The following UNC13D variants were observed in gnomAD, a reference collection of about 807,000 sequenced individuals.
The protein encoded by UNC13D is unc-13 homolog D, also known as protein unc-13 homolog D.
In UNC13D, 115 loss-of-function variants were observed where a neutral mutation model predicts 151.7. The observed-to-expected ratio is 0.76, with a 90% confidence interval of 0.65 to 0.88. The LOEUF (loss-of-function observed/expected upper bound fraction) is 0.88, where lower values mean the gene tolerates loss of function less well. Ranked by LOEUF, UNC13D falls within the 40% of genes least tolerant of loss-of-function variation. The pLI is 0.00. For missense variants in UNC13D, 1,369 were observed against 1,438.7 expected (o/e 0.95, Z 0.78); for synonymous variants, 588 against 612.2 (o/e 0.96, Z 0.58).
chr17:75,842,374 C>T, intron 6 of UNC13D, 59 bp downstream of exon 6: 1 of 1,572,412 alleles, frequency 6.4e-7, no homozygotes. Context: ...TTGTCTGGGG[C>T]AGACCCTGCT....
Position 75,834,900 on chromosome 17 carries a change from A to T in UNC13D, c.1992+20T>A. 1.2e-6 allele frequency: 2 copies of T among 1,613,816 alleles called. No individual in the cohort carries two copies. Among genetic ancestry groups the T allele is most frequent in the Non-Finnish European group, 1.7e-6 (2 of 1,180,006 alleles). On this transcript the variant is annotated intron_variant, in intron 21 of 31. Coordinates refer to ENST00000207549, the MANE Select transcript of UNC13D (RefSeq NM_199242.3). ...GGCTGTTCTAGAAAGAGGGGGAAGGACACGTGGAAGATGCCGCACCTCCAC... is the reference window on the plus strand; with the variant it reads ...GGCTGTTCTAGAAAGAGGGGGAAGGTCACGTGGAAGATGCCGCACCTCCAC...
rs1036624742 is a variant in UNC13D at position 75,832,287 on chromosome 17, C to T, written c.2447+679G>A. On this transcript the variant is annotated intron_variant, in intron 25 of 31. Coordinates refer to ENST00000207549, the MANE Select transcript of UNC13D (RefSeq NM_199242.3). The surrounding 1 kb of genome is among the most constrained non-coding windows in gnomAD (Gnocchi z 4.3). The stretch of plus-strand genomic sequence containing the variant: ...GCTGTCATCATCATCGTCACTACCG[C>T]TAATAGTCACTGACCACTTCCTTTG... 2 of 152,358 alleles carry T rather than the reference C, an allele frequency of 1.3e-5. No homozygotes were observed. The highest frequency in any genetic ancestry group is 4.8e-5 in the African/African-American group (2 of 41,450). 9.4% of individuals were successfully genotyped at this position (152,358 alleles called of 1,614,324 possible). A position where few individuals can be genotyped will look rare whatever the true frequency, so the allele number is the denominator to read the frequency against.
rs2064884849 is a variant in UNC13D, at chr17:75,833,310, T to C, written c.2368-265A>G. Reference sequence around the variant, plus strand: ...GGGTCTCTGCCCTTGCCGTTCCCTCTGCCTGGAATGCTCCTCCCCTAGAAC... The same window carrying C: ...GGGTCTCTGCCCTTGCCGTTCCCTCCGCCTGGAATGCTCCTCCCCTAGAAC... On this transcript the variant is annotated intron_variant, in intron 24 of 31. Coordinates refer to ENST00000207549, the MANE Select transcript of UNC13D (RefSeq NM_199242.3). The surrounding 1 kb of genome is among the most constrained non-coding windows in gnomAD (Gnocchi z 4.0). The C allele has an allele frequency of 2.9e-6, 1 of 343,040 alleles. No individual in the cohort carries two copies. The highest frequency in any genetic ancestry group is 2.1e-5 in the African/African-American group (1 of 47,946). The allele number at this position is 343,040 out of a possible 1,614,324, so 21.2% of individuals were successfully genotyped here. A position where few individuals can be genotyped will look rare whatever the true frequency, so the allele number is the denominator to read the frequency against.
chr17:75,843,037 G>T lies in UNC13D; in HGVS notation c.298C>A (p.Leu100Met). Residue 100 changes from leucine (L) to methionine (M), a missense_variant, in exon 4 of 32, where the codon CTG becomes ATG. Leu to Met is a conservative substitution (Grantham distance 15). This residue lies in a region of UNC13D where 550 missense variants were observed against 609.0 expected (regional missense o/e 0.90). Coordinates refer to ENST00000207549, the MANE Select transcript of UNC13D (RefSeq NM_199242.3). ...ACCTCAAGCTCCCTGACCCGCTGCA[G>T]TGTCTGCTGGTGCTCCTCGGGCTCC... ...HVEPEEHQQT[L>M]QRVRELEKPI... is the part of the protein sequence containing the mutation. 6.2e-7 allele frequency: 1 copy of T among 1,611,324 alleles called. No individual in the cohort carries two copies.
rs1240535601 is a variant in UNC13D at position 75,834,370 on chromosome 17, C to T, written c.2253G>A (p.Gly751=). ...CGCCAGTGCGGATCTCATGGCCCAG[C>T]CCGGCCAGCGCGCTCTGCAGCTGGG... ...LHAQLQSALA[G]LGHEIRTGVR... Residue 751 remains glycine (G), a synonymous_variant, in exon 23 of 32, where the codon GGG becomes GGA. Coordinates refer to ENST00000207549, the MANE Select transcript of UNC13D (RefSeq NM_199242.3). 1 of 1,593,738 alleles carries T rather than the reference C, an allele frequency of 6.3e-7. No individual in the cohort carries two copies.
In UNC13D at chr17:75,842,529, T is replaced by A; in HGVS notation, c.473A>T (p.Lys158Met). 1 of 1,612,948 alleles carries A rather than the reference T, an allele frequency of 6.2e-7. No homozygotes were observed. Among genetic ancestry groups the A allele is most frequent in the Non-Finnish European group, 8.5e-7 (1 of 1,179,756 alleles). Residue 158 changes from lysine to methionine, a missense_variant, in exon 6 of 32, where the codon AAG (lysine) becomes ATG (methionine). Physicochemically the swap from Lys to Met is moderately conservative, Grantham distance 95. Transcript: ENST00000207549. ...GGSPGSRHRQ[K>M]AVVRHTIPEE... Reference sequence around the variant, plus strand: ...GGGGATGGTGTGCCTCACCACAGCCTTCTGCCGATGCCGGGACCCGGGGCT... The same window carrying A: ...GGGGATGGTGTGCCTCACCACAGCCATCTGCCGATGCCGGGACCCGGGGCT...
intron 21 of UNC13D, 63 bp downstream of exon 21, chr17:75,834,857 A>G: frequency 6.2e-7 from 1 of 1,613,280 alleles, no homozygotes; most frequent in Non-Finnish European, 8.5e-7. Context: ...GCACGGGAGA[A>G]ACGGTGGGTG....
Position 75,830,165 on chromosome 17 carries a change from G to T in UNC13D, c.2831-14C>A, listed in dbSNP as rs567552311. On this transcript the variant is annotated splice_polypyrimidine_tract_variant and intron_variant, in intron 29 of 31. Coordinates refer to ENST00000207549, the MANE Select transcript of UNC13D (RefSeq NM_199242.3). ...GGTCGCTGGAGCCTGGTAAGTGGCC[G>T]GGGAGTGTGCGTCAGCTGAGGGTCT... The T allele has an allele frequency of 2.5e-6, 4 of 1,585,544 alleles. No homozygotes were observed. In the African/African-American group the frequency reaches 5.4e-5, roughly 21 times the overall value.
chr17:75,843,578 A>C, intron 1 of UNC13D, 59 bp from the exon 2 acceptor site: 1 of 1,594,740 alleles, frequency 6.3e-7, no homozygotes. Context: ...TCAGATGGAC[A>C]GGAATGGCTC....
rs764459619 is a variant in UNC13D at position 75,828,111 on chromosome 17, C to T, written c.3152-25G>A. The T allele has an allele frequency of 5.7e-6, 9 of 1,568,176 alleles. No individual in the cohort carries two copies. In the South Asian group the frequency reaches 1.1e-4, roughly 18 times the overall value. ...CCTGCGGAGAGAGGGGTTTGGGGGT[C>T]AGATGCCAGGGGAGAGGGCAGTGCC... On this transcript the variant is annotated intron_variant, in intron 31 of 31. Transcript: ENST00000207549.
chr17:75,833,132 A>C lies in UNC13D; in HGVS notation c.2368-87T>G, dbSNP rs2064883697. On this transcript the variant is annotated intron_variant, in intron 24 of 31. Coordinates refer to ENST00000207549, the MANE Select transcript of UNC13D (RefSeq NM_199242.3). This position sits in a 1 kb window ranked among gnomAD's most constrained non-coding sequence, Gnocchi z 4.0. ...TTCCCCTGACCTGGAGGGAGGAAAC[A>C]GGGCTGGGAACCGTTCTGTGAGAGC... The C allele has an allele frequency of 7.3e-7, 1 of 1,375,466 alleles. No homozygotes were observed. The highest frequency in any genetic ancestry group is 1.4e-5 in the African/African-American group (1 of 69,844). The allele number at this position is 1,375,466 out of a possible 1,614,324, so 85.2% of individuals were successfully genotyped here. A position where few individuals can be genotyped will look rare whatever the true frequency, so the allele number is the denominator to read the frequency against.
chr17:75,831,142 C>A lies in UNC13D; in HGVS notation c.2581G>T (p.Gly861Cys), dbSNP rs758000434. 3.7e-6 allele frequency: 6 copies of A among 1,614,044 alleles called. No homozygotes were observed. The highest frequency in any genetic ancestry group is 3.4e-6 in the Non-Finnish European group (4 of 1,180,038). Reference protein sequence around the residue: ...QNLEICFHAEGCGLPPKALHT... With the variant: ...QNLEICFHAECCGLPPKALHT... ...AGGGCCTTGGGTGGCAGGCCACAGC[C>A]CTCAGCGTGGAAGCAGATCTCCAGG... Residue 861 changes from glycine to cysteine, a missense_variant, in exon 27 of 32, where the codon GGC (glycine) becomes TGC (cysteine). Around this residue, in one of 3 missense-constraint regions of UNC13D, gnomAD observed 807 missense variants for 795.5 expected, o/e 1.01. Transcript: ENST00000207549.
At chr17:75,837,050 T>C (rs2064914479) in intron 12 of UNC13D, 132 bp from the exon 13 acceptor site, 1 of 533,500 alleles carries the variant, frequency 1.9e-6, no homozygotes. Flanking sequence ...CAACAGGACA[T>C]GCAGGATTGT....
At chr17:75,842,731 G>A in intron 5 of UNC13D, 118 bp from the exon 6 acceptor site, 1 of 1,592,002 alleles carries the variant, frequency 6.3e-7, no homozygotes, top group South Asian at 1.1e-5. Flanking sequence ...GGGACCAGCA[G>A]CATGGGGGGC....
Position 75,833,302 on chromosome 17 carries a change from G to C in UNC13D, c.2368-257C>G. On this transcript the variant is annotated intron_variant, in intron 24 of 31. Transcript: ENST00000207549. This position sits in a 1 kb window ranked among gnomAD's most constrained non-coding sequence, Gnocchi z 4.0. ...CTGCCTCAGGGTCTCTGCCCTTGCC[G>C]TTCCCTCTGCCTGGAATGCTCCTCC... The C allele has an allele frequency of 2.7e-6, 1 of 364,972 alleles. No homozygotes were observed. The highest frequency in any genetic ancestry group is 5.2e-6 in the Non-Finnish European group (1 of 192,586). 22.6% of individuals were successfully genotyped at this position (364,972 alleles called of 1,614,324 possible).
intron 14 of UNC13D, 64 bp from the exon 15 acceptor site, chr17:75,836,493 C>A: frequency 6.2e-7 from 1 of 1,612,536 alleles, no homozygotes; most frequent in Non-Finnish European, 8.5e-7. Flanking sequence ...ACTCCTCCAA[C>A]AATTCTCCCA....
In UNC13D at chr17:75,843,510, G is replaced by A. The variant is rs775174271; in HGVS notation, c.127C>T (p.Pro43Ser). 13 of 1,611,528 alleles carry A rather than the reference G, an allele frequency of 8.1e-6. No individual in the cohort carries two copies. In the South Asian group the frequency reaches 1.4e-4, roughly 18 times the overall value. The change falls in exon 2 of 32, where the codon CCA (proline) becomes TCA (serine). Residue 43 changes from proline (P) to serine (S), a missense_variant. Around this residue, in one of 3 missense-constraint regions of UNC13D, gnomAD observed 550 missense variants for 609.0 expected, o/e 0.90. Coordinates refer to ENST00000207549, the MANE Select transcript of UNC13D (RefSeq NM_199242.3). ...PPQMAPEIQP[P>S]SHHFSPEQRA... ...TGCTCGGGGGAGAAGTGGTGGGATG[G>A]AGGCTGGATCTGCAGAGCAAGGTGG...
Position 75,844,276 on chromosome 17 carries a change from A to AAGAC in UNC13D, c.61_62insGTCT (p.Ile21SerfsTer52). 1 of 1,612,778 alleles carries AAGAC rather than the reference A, an allele frequency of 6.2e-7. No homozygotes were observed. The highest frequency in any genetic ancestry group is 8.5e-7 in the Non-Finnish European group (1 of 1,179,946). On this transcript the variant is annotated frameshift_variant, in exon 1 of 32. Coordinates refer to ENST00000207549, the MANE Select transcript of UNC13D (RefSeq NM_199242.3). LOFTEE classifies it high-confidence loss of function. ...TAGATCTCTGACTCTGCGGCGCCTT[A>AAGAC]TCTTGATGGCCTGGCGCAAGAAGGG... is the stretch of plus-strand genomic sequence containing the variant.
In UNC13D at chr17:75,840,521, C is replaced by A; in HGVS notation, c.739G>T (p.Val247Phe). The A allele has an allele frequency of 6.2e-7, 1 of 1,614,018 alleles. No individual in the cohort carries two copies. The change falls in exon 9 of 32, where the codon GTT becomes TTT. Residue 247 changes from valine to phenylalanine, a missense_variant. Transcript: ENST00000207549. The surrounding 1 kb of genome is among the most constrained non-coding windows in gnomAD (Gnocchi z 4.6). ...KGQDDFLGNV[V>F]LRLQDLRCRE... is the part of the protein sequence containing the mutation. ...ATCCTCCTCACCTGCAGCCTCAGAA[C>A]CACGTTCCCCAGAAAGTCGTCCTGG... is the stretch of plus-strand genomic sequence containing the variant.
Sources: allele counts gnomAD v4.1 joint callset, GRCh38; gene constraint gnomAD v4.1.1; regional missense constraint gnomAD v4.1.1; non-coding constraint Gnocchi (gnomAD v3.1); transcripts MANE v1.5; gene names NCBI Gene and HGNC (gene_info 2026-07-23, HGNC 2026-07-21).